The following PARD6G variants were observed in gnomAD, a reference collection of about 807,000 sequenced individuals.
PARD6G encodes par-6 family cell polarity regulator gamma.
In PARD6G, 7 loss-of-function variants were observed where a neutral mutation model predicts 10.7. That is an observed-to-expected ratio of 0.66 (90% CI 0.37 to 1.23). PARD6G has a LOEUF of 1.23. PARD6G is among the 50% of genes most tolerant of loss of function. The pLI is 0.02. For synonymous variants in PARD6G, 287 were observed against 269.4 expected (o/e 1.07, Z -0.64); for missense variants, 548 against 571.8 (o/e 0.96, Z 0.42).
chr18:80,241,898 C>T (rs1967494342), intron 1 of PARD6G, among the ~76,000 whole-genome samples: 1 of 152,182 alleles, frequency 6.6e-6, no homozygotes, highest in Non-Finnish European at 1.5e-5. Context: ...GGATGCCTCT[C>T]CCCTTTGTAC....
Position 80,175,331 on chromosome 18 carries a change from A to G in PARD6G, c.296-14725T>C, listed in dbSNP as rs1030682604. On this transcript the variant is annotated intron_variant, in intron 2 of 2. Coordinates refer to ENST00000353265, the MANE Select transcript of PARD6G (RefSeq NM_032510.4). The surrounding 1 kb of genome is among the most constrained non-coding windows in gnomAD (Gnocchi z 6.7). ...TATTTCTAACAGTTCTGGAGGCTGG[A>G]AAGTCCCATATCAAGGTCCGGCTTG... Among the ~76,000 whole-genome samples the G allele has an allele frequency of 6.6e-6, 1 of 152,194 alleles. No homozygotes were observed. The highest frequency in any genetic ancestry group is 1.5e-5 in the Non-Finnish European group (1 of 68,042).
intron 2 of PARD6G, among the ~76,000 whole-genome samples, chr18:80,173,740 C>T (rs888221148): frequency 4.3e-4 from 65 of 152,090 alleles, no homozygotes; most frequent in African/African-American, 1.5e-3. Context: ...TCCTAAAAAC[C>T]CCTCAAAGTA....
chr18:80,223,133 A>C (rs1967250886), intron 1 of PARD6G, among the ~76,000 whole-genome samples: 1 of 152,264 alleles, frequency 6.6e-6, no homozygotes, highest in African/African-American at 2.4e-5. Flanking sequence ...ATTGGATTAC[A>C]GACTAAATGT....
intron 1 of PARD6G, among the ~76,000 whole-genome samples, chr18:80,226,222 G>A (rs1456073609): frequency 8.1e-6 from 1 of 123,510 alleles, no homozygotes; most frequent in East Asian, 2.7e-4. Flanking sequence ...GCAGGCTGGA[G>A]TGCAATAGTG....
Position 80,181,070 on chromosome 18 carries a change from C to T in PARD6G, c.296-20464G>A, listed in dbSNP as rs1373761375. On this transcript the variant is annotated intron_variant, in intron 2 of 2. Coordinates refer to ENST00000353265, the MANE Select transcript of PARD6G (RefSeq NM_032510.4). The surrounding 1 kb of genome is among the most constrained non-coding windows in gnomAD (Gnocchi z 7.9). ...GCTGTTCAAAGGTCTGAACCTCACG[C>T]GCGATCTCGACATTAGAACATGGGC... 1.3e-5 allele frequency among the ~76,000 whole-genome samples: 2 copies of T among 152,166 alleles called. No homozygotes were observed. The highest frequency in any genetic ancestry group is 2.4e-5 in the African/African-American group (1 of 41,428).
At chr18:80,172,757 T>G (rs1161843891) in intron 2 of PARD6G, among the ~76,000 whole-genome samples, 1 of 152,244 alleles carries the variant, frequency 6.6e-6, no homozygotes, top group Non-Finnish European at 1.5e-5. Context: ...AAACATGACT[T>G]ACAAATGCTT....
intron 1 of PARD6G, among the ~76,000 whole-genome samples, chr18:80,241,078 A>T (rs1411311931): frequency 6.6e-6 from 1 of 152,146 alleles, no homozygotes; most frequent in Non-Finnish European, 1.5e-5. Flanking sequence ...AGAAAAATAG[A>T]ACTTCTCCCC....
chr18:80,186,722 C>G (rs2052881667), intron 2 of PARD6G, among the ~76,000 whole-genome samples: 2 of 152,168 alleles, frequency 1.3e-5, no homozygotes, highest in Admixed American at 1.3e-4. Context: ...CTGCTACTCC[C>G]CCAGTTTTAA....
rs374925269 is a variant in PARD6G, at chr18:80,175,641, C to G, written c.296-15035G>C. On this transcript the variant is annotated intron_variant, in intron 2 of 2. Transcript: ENST00000353265. The surrounding 1 kb of genome is among the most constrained non-coding windows in gnomAD (Gnocchi z 6.7). ...ACACTGTTCCGTAATTGTTCTCTTG[C>G]TGAGTGTATCTGAGTCACGTTCTCT... 2.6e-5 allele frequency among the ~76,000 whole-genome samples: 4 copies of G among 152,332 alleles called. No homozygotes were observed. Among genetic ancestry groups the G allele is most frequent in the South Asian group, 4.1e-4 (2 of 4,828 alleles).
intron 2 of PARD6G, among the ~76,000 whole-genome samples, chr18:80,162,836 T>C (rs1933146796): frequency 1.3e-5 from 2 of 152,140 alleles, no homozygotes; most frequent in Non-Finnish European, 2.9e-5. Context: ...AGAGCTCCTC[T>C]TCCCGTGATG....
chr18:80,183,971 T>C lies in PARD6G; in HGVS notation c.295+18739A>G, dbSNP rs1300703037. On this transcript the variant is annotated intron_variant, in intron 2 of 2. Coordinates refer to ENST00000353265, the MANE Select transcript of PARD6G (RefSeq NM_032510.4). The surrounding 1 kb of genome is among the most constrained non-coding windows in gnomAD (Gnocchi z 4.5). Reference sequence around the variant, plus strand: ...ACACTGTTAGAAGCATTTTAACTCTTGTTTTTACAAACTTTCTTTTTACAT... The same window carrying C: ...ACACTGTTAGAAGCATTTTAACTCTCGTTTTTACAAACTTTCTTTTTACAT... 1 of 152,234 alleles carries C rather than the reference T, an allele frequency of 6.6e-6. No homozygotes were observed. Among genetic ancestry groups the C allele is most frequent in the East Asian group, 1.9e-4 (1 of 5,202 alleles). 9.4% of individuals were successfully genotyped at this position (152,234 alleles called of 1,614,324 possible).
intron 1 of PARD6G, among the ~76,000 whole-genome samples, chr18:80,243,384 C>T (rs558082469): frequency 1.3e-5 from 2 of 152,232 alleles, no homozygotes; most frequent in African/African-American, 4.8e-5. Context: ...CACAAGAATG[C>T]GTGCATCATA....
At chr18:80,171,937 T>C (rs995872146) in intron 2 of PARD6G, among the ~76,000 whole-genome samples, 1 of 152,222 alleles carries the variant, frequency 6.6e-6, no homozygotes. Flanking sequence ...CAAATGTTCA[T>C]TTGAAAAGGG....
chr18:80,245,216 T>G (rs1967531132), intron 1 of PARD6G, among the ~76,000 whole-genome samples: 1 of 152,142 alleles, frequency 6.6e-6, no homozygotes, highest in African/African-American at 2.4e-5. Context: ...TGAGGCCTGG[T>G]GAGGGCATGT....
At chr18:80,223,045 G>T (rs1256921350) in intron 1 of PARD6G, among the ~76,000 whole-genome samples, 1 of 152,204 alleles carries the variant, frequency 6.6e-6, no homozygotes, top group Non-Finnish European at 1.5e-5. Context: ...AACAAATGGT[G>T]CTGGGACAAC....
intron 1 of PARD6G, among the ~76,000 whole-genome samples, chr18:80,239,525 C>CAGG (rs1489408412): frequency 1.3e-5 from 2 of 152,188 alleles, no homozygotes; most frequent in Non-Finnish European, 2.9e-5. Flanking sequence ...TATTCAAAGC[C>CAGG]ATCCTGTTCC....
intron 1 of PARD6G, among the ~76,000 whole-genome samples, chr18:80,211,272 C>A (rs1391758821): frequency 1.3e-5 from 2 of 152,184 alleles, no homozygotes; most frequent in Admixed American, 6.5e-5. Flanking sequence ...AAGATTGCTG[C>A]ACTATGGTAT....
chr18:80,232,638 C>T (rs905676057), intron 1 of PARD6G, among the ~76,000 whole-genome samples: 1 of 144,864 alleles, frequency 6.9e-6, no homozygotes, highest in Non-Finnish European at 1.5e-5. Flanking sequence ...AGGTCCCTCC[C>T]ACAACACGTG....
chr18:80,213,939 T>G (rs1967133065), intron 1 of PARD6G, among the ~76,000 whole-genome samples: 1 of 87,662 alleles, frequency 1.1e-5, no homozygotes, highest in Non-Finnish European at 2.1e-5. Context: ...AGAGTGAGAC[T>G]CCATCTCAAA....
Sources: gnomAD v4.1 joint callset for allele counts (sites outside exome capture counted in the v4.1 genomes callset) on GRCh38, gnomAD v4.1.1 for gene constraint, Gnocchi (gnomAD v3.1) non-coding constraint, MANE v1.5 for transcripts, NCBI Gene and HGNC (gene_info 2026-07-23, HGNC 2026-07-21) for gene names.